Variants in RASGRF2 observed in about 807,000 individuals in gnomAD.
RASGRF2 encodes ras-specific guanine nucleotide-releasing factor 2.
RASGRF2 carries 76 observed loss-of-function variants against 151.0 expected under a neutral mutation model. That is an observed-to-expected ratio of 0.50 (90% CI 0.42 to 0.61). The LOEUF is 0.61. Among genes scored for constraint, RASGRF2 ranks in the 20% least tolerant of loss-of-function variants. The pLI, the probability that RASGRF2 is intolerant of heterozygous loss-of-function variation, is 0.00. For synonymous variants in RASGRF2, 504 were observed against 566.5 expected (o/e 0.89, Z 1.57); for missense variants, 1,148 against 1,564.6 (o/e 0.73, Z 4.49).
In RASGRF2 at chr5:81,225,983, G is replaced by T; in HGVS notation, c.*213G>T. On this transcript the variant is annotated 3_prime_UTR_variant, in exon 27 of 27. Coordinates refer to ENST00000265080, the MANE Select transcript of RASGRF2 (RefSeq NM_006909.3). ...GACTTGGGTGGGAAGGTGAAAGATG[G>T]CTATTTAGAAAGCTGGTGGCACGTT... 2.2e-6 allele frequency: 1 copy of T among 454,358 alleles called. No homozygotes were observed. Among genetic ancestry groups the T allele is most frequent in the Non-Finnish European group, 3.7e-6 (1 of 268,104 alleles). 28.1% of individuals were successfully genotyped at this position (454,358 alleles called of 1,614,324 possible). A position where few individuals can be genotyped will look rare whatever the true frequency, so the allele number is the denominator to read the frequency against.
chr5:81,129,214 T>A (rs899586834), intron 17 of RASGRF2, among the ~76,000 whole-genome samples: 17 of 152,248 alleles, frequency 1.1e-4, no homozygotes, highest in Non-Finnish European at 2.1e-4. Context: ...ACTAAACCTA[T>A]GGGCTCCAAT....
intron 24 of RASGRF2, among the ~76,000 whole-genome samples, 190 bp downstream of exon 24, chr5:81,216,145 T>C (rs539371535): frequency 1.3e-5 from 2 of 152,314 alleles, no homozygotes; most frequent in African/African-American, 4.8e-5. Context: ...AGTAATTGTC[T>C]TATGGATATA....
intron 1 of RASGRF2, among the ~76,000 whole-genome samples, chr5:80,986,904 T>C (rs535539206): frequency 1.3e-5 from 2 of 152,302 alleles, no homozygotes; most frequent in East Asian, 3.9e-4. Flanking sequence ...TAATCCACCC[T>C]CTTTCCAGAA....
At chr5:81,030,172 G>A (rs1381430421) in intron 1 of RASGRF2, among the ~76,000 whole-genome samples, 2 of 152,220 alleles carry the variant, frequency 1.3e-5, no homozygotes, top group East Asian at 3.8e-4. Context: ...ATCTACGTCT[G>A]ATTGGTGTAC....
intron 3 of RASGRF2, 85 bp downstream of exon 3, chr5:81,068,264 C>G: frequency 1.4e-6 from 2 of 1,459,524 alleles, no homozygotes; most frequent in Non-Finnish European, 1.8e-6. Flanking sequence ...TTCAGGGCAA[C>G]ATTTTAATCC....
Position 81,073,256 on chromosome 5 carries a change from G to A in RASGRF2, c.691G>A (p.Asp231Asn). The A allele has an allele frequency of 6.2e-7, 1 of 1,613,956 alleles. No homozygotes were observed. Among genetic ancestry groups the A allele is most frequent in the Non-Finnish European group, 8.5e-7 (1 of 1,179,836 alleles). The change falls in exon 5 of 27, where the codon GAT becomes AAT. Residue 231 changes from aspartate to asparagine, a missense_variant. Transcript: ENST00000265080. ...CRRKWKTIVQ[D>N]YICSPHAESM... ...AAGGAAATGGAAGACCATCGTGCAGGATTACATTTGTTCTCCTCATGCTGA... is the reference window on the plus strand; with the variant it reads ...AAGGAAATGGAAGACCATCGTGCAGAATTACATTTGTTCTCCTCATGCTGA...
rs112895600 is a variant in RASGRF2 at position 81,037,408 on chromosome 5, A to G, written c.289-5469A>G. 3.4e-3 allele frequency among the ~76,000 whole-genome samples: 517 copies of G among 152,334 alleles called. 5 individuals are homozygous for G. The highest frequency in any genetic ancestry group is 0.012 in the African/African-American group (503 of 41,588). On this transcript the variant is annotated intron_variant, in intron 1 of 26. Coordinates refer to ENST00000265080, the MANE Select transcript of RASGRF2 (RefSeq NM_006909.3). ...GCTCTACTTTCTTCCGGCAACTTCA[A>G]TGCTATCCTAATTTCACATCCTTTT... is the stretch of plus-strand genomic sequence containing the variant.
chr5:81,003,102 G>A (rs1164445468), intron 1 of RASGRF2, among the ~76,000 whole-genome samples: 1 of 152,038 alleles, frequency 6.6e-6, no homozygotes, highest in African/African-American at 2.4e-5. Flanking sequence ...TGTTGCCTAG[G>A]CTAGAGTGCA....
intron 3 of RASGRF2, chr5:81,069,959 C>A: frequency 6.5e-6 from 1 of 154,508 alleles, no homozygotes; most frequent in East Asian, 1.9e-4. Context: ...TTTACCTTTT[C>A]TGAGGAATTC....
Position 81,129,959 on chromosome 5 carries a change from A to G in RASGRF2, c.2686+2796A>G, listed in dbSNP as rs564461978. 4.4e-4 allele frequency among the ~76,000 whole-genome samples: 67 copies of G among 152,126 alleles called. 1 individual carries two copies. The highest frequency in any genetic ancestry group is 9.3e-4 in the Non-Finnish European group (63 of 68,020). ...CACCTGAGATTGCAATGAAGATTGA[A>G]TCGTTTGAATGTGCTTTAGAGAATG... is the stretch of plus-strand genomic sequence containing the variant. On this transcript the variant is annotated intron_variant, in intron 17 of 26. Transcript: ENST00000265080.
intron 14 of RASGRF2, 147 bp from the exon 15 acceptor site, chr5:81,113,391 C>T (rs1017226784): frequency 1.2e-5 from 11 of 912,384 alleles, no homozygotes; most frequent in Non-Finnish European, 1.6e-5. Flanking sequence ...GGAGGGTATA[C>T]ATGTAGCATT....
intron 18 of RASGRF2, among the ~76,000 whole-genome samples, chr5:81,186,025 T>C (rs1258411738): frequency 6.6e-6 from 1 of 152,156 alleles, no homozygotes; most frequent in Non-Finnish European, 1.5e-5. Context: ...GAGTCTAGGG[T>C]CCCTTGGGAG....
intron 5 of RASGRF2, among the ~76,000 whole-genome samples, chr5:81,077,046 G>A (rs184092146): frequency 2.0e-5 from 3 of 152,302 alleles, no homozygotes; most frequent in South Asian, 2.1e-4. Flanking sequence ...TTATAATAAT[G>A]AGCCATGGAA....
intron 17 of RASGRF2, among the ~76,000 whole-genome samples, chr5:81,144,755 A>G (rs1174066493): frequency 6.6e-6 from 1 of 152,210 alleles, no homozygotes; most frequent in African/African-American, 2.4e-5. Context: ...GAAGTAGTTA[A>G]TATTACTATA....
intron 22 of RASGRF2, among the ~76,000 whole-genome samples, chr5:81,209,761 A>G (rs928437505): frequency 6.6e-6 from 1 of 152,116 alleles, no homozygotes; most frequent in African/African-American, 2.4e-5. Flanking sequence ...CCAGACCCAC[A>G]TGTCTCCTCT....
intron 2 of RASGRF2, among the ~76,000 whole-genome samples, 170 bp from the exon 3 acceptor site, chr5:81,067,862 T>C (rs1319664932): frequency 6.6e-6 from 1 of 152,246 alleles, no homozygotes; most frequent in East Asian, 1.9e-4. Context: ...AAATTCTTCA[T>C]CGTCGAAGGA....
intron 15 of RASGRF2, among the ~76,000 whole-genome samples, chr5:81,117,821 A>G (rs1328026426): frequency 3.9e-5 from 6 of 152,228 alleles, no homozygotes; most frequent in Non-Finnish European, 8.8e-5. Flanking sequence ...TAGGACCAGA[A>G]TAGGATAGAT....
intron 1 of RASGRF2, among the ~76,000 whole-genome samples, chr5:80,961,816 A>G (rs1420277645): frequency 2.6e-5 from 4 of 152,118 alleles, no homozygotes; most frequent in African/African-American, 4.8e-5. Flanking sequence ...AAACCCTTTA[A>G]GTCTTAGTGA....
At chr5:81,088,083 T>C (rs1189915195) in intron 9 of RASGRF2, 1 of 152,310 alleles carries the variant, frequency 6.6e-6, no homozygotes, top group Non-Finnish European at 1.5e-5. Context: ...TATTCTTTTT[T>C]CTTTAAATAA....
Sources: gnomAD v4.1 joint callset for allele counts (sites outside exome capture counted in the v4.1 genomes callset) on GRCh38, gnomAD v4.1.1 for gene constraint, MANE v1.5 for transcripts, NCBI Gene and HGNC (gene_info 2026-07-23, HGNC 2026-07-21) for gene names.